Variants in NCKAP5 observed in about 807,000 individuals in gnomAD.
NCKAP5 encodes the protein NCK associated protein 5, also known as nck-associated protein 5.
In NCKAP5, 92 loss-of-function variants were observed where a neutral mutation model predicts 167.0. That is an observed-to-expected ratio of 0.55 (90% confidence interval 0.47 to 0.66). The LOEUF (loss-of-function observed/expected upper bound fraction) is 0.66. Among genes scored for constraint, NCKAP5 ranks in the 30% least tolerant of loss-of-function variants. The pLI is 0.00. For missense variants in NCKAP5, 2,378 were observed against 2,315.0 expected (o/e 1.03, Z -0.56); for synonymous variants, 891 against 877.4 (o/e 1.02, Z -0.27).
intron 5 of NCKAP5, among the ~76,000 whole-genome samples, chr2:133,141,171 A>G (rs947512329): frequency 2.0e-5 from 3 of 152,152 alleles, no homozygotes; most frequent in Non-Finnish European, 4.4e-5. Context: ...TCTCTCTGTC[A>G]TCTTCTTTCC....
intron 3 of NCKAP5, among the ~76,000 whole-genome samples, chr2:133,466,329 G>A (rs1479761679): frequency 9.4e-5 from 14 of 149,492 alleles, no homozygotes; most frequent in Admixed American, 1.3e-4. Context: ...TAGATATGCG[G>A]CATTATTTCT....
intron 3 of NCKAP5, among the ~76,000 whole-genome samples, chr2:133,470,733 G>C (rs1679178858): frequency 6.6e-6 from 1 of 152,224 alleles, no homozygotes; most frequent in East Asian, 1.9e-4. Flanking sequence ...TTTTAAGCCT[G>C]TCGGAAAAGT....
At chr2:133,375,626 T>C (rs1686092337) in intron 3 of NCKAP5, among the ~76,000 whole-genome samples, 1 of 152,182 alleles carries the variant, frequency 6.6e-6, no homozygotes, top group South Asian at 2.1e-4. Flanking sequence ...CCAGTGTGCA[T>C]TGTTCTCATC....
the NCKAP5 span, among the ~76,000 whole-genome samples, chr2:133,658,278 C>G: frequency 6.6e-6 from 1 of 152,072 alleles, no homozygotes; most frequent in South Asian, 2.1e-4. Flanking sequence ...GCAATCCTCA[C>G]CAATTTGAAA....
At chr2:133,131,946 G>T (rs1168449012) in intron 5 of NCKAP5, among the ~76,000 whole-genome samples, 3 of 149,238 alleles carry the variant, frequency 2.0e-5, no homozygotes, top group Non-Finnish European at 4.4e-5. Context: ...GGAAGATAGT[G>T]CTTCGATTCC....
intron 8 of NCKAP5, among the ~76,000 whole-genome samples, chr2:132,894,427 T>A (rs965916497): frequency 6.6e-5 from 10 of 152,236 alleles, no homozygotes; most frequent in African/African-American, 2.4e-4. Flanking sequence ...ACCTATTGCC[T>A]TGCCATGTAA....
At chr2:132,706,999 C>T (rs760549074) in intron 19 of NCKAP5, among the ~76,000 whole-genome samples, 8 of 152,152 alleles carry the variant, frequency 5.3e-5, no homozygotes, top group East Asian at 1.9e-4. Context: ...TTGTCCTCCC[C>T]GCAGGAACAC....
chr2:133,335,819 C>CGAG (rs1683175118), intron 3 of NCKAP5, among the ~76,000 whole-genome samples: 3 of 152,064 alleles, frequency 2.0e-5, no homozygotes, highest in Admixed American at 2.0e-4. Flanking sequence ...ATTTTATTTT[C>CGAG]TAGTTCAGTT....
intron 11 of NCKAP5, among the ~76,000 whole-genome samples, chr2:132,860,135 TA>T (rs1689778439): frequency 6.6e-6 from 1 of 152,240 alleles, no homozygotes; most frequent in South Asian, 2.1e-4. Context: ...GCTTTGGCAC[TA>T]CATAAAATTC....
intron 6 of NCKAP5, chr2:133,122,188 T>G (rs2082271669): frequency 6.6e-6 from 1 of 152,192 alleles, no homozygotes; most frequent in Admixed American, 6.6e-5. Context: ...CAAACTTATC[T>G]AAACTATAAA....
Position 132,725,654 on chromosome 2 carries a change from C to G in NCKAP5, c.5686G>C (p.Val1896Leu), listed in dbSNP as rs1470926298. ...NGFGAGRGQLVKALKSAAPEI... is the reference protein window; with the variant it reads ...NGFGAGRGQLLKALKSAAPEI... ...GGGGCAGCGCTCTTCAGTGCTTTCA[C>G]TAACTGTCCCCTTCCAGCTCCAAAA... Residue 1896 changes from valine to leucine, a missense_variant, in exon 19 of 20, where the codon GTG becomes CTG. By Grantham distance (32) the Val-to-Leu change is conservative. This residue lies in a region of NCKAP5 where 1,325 missense variants were observed against 1,274.5 expected (regional missense o/e 1.04). Transcript: ENST00000409261. 6.2e-7 allele frequency: 1 copy of G among 1,611,908 alleles called. No individual in the cohort carries two copies. The highest frequency in any genetic ancestry group is 1.7e-5 in the Admixed American group (1 of 59,786).
intron 7 of NCKAP5, among the ~76,000 whole-genome samples, chr2:132,983,849 C>A (rs1447149490): frequency 1.3e-5 from 2 of 152,200 alleles, no homozygotes; most frequent in Non-Finnish European, 2.9e-5. Context: ...GATTAGATAG[C>A]CCTTCCCCTC....
At chr2:133,556,216 C>T (rs1436896444) in intron 2 of NCKAP5, among the ~76,000 whole-genome samples, 1 of 152,146 alleles carries the variant, frequency 6.6e-6, no homozygotes, top group African/African-American at 2.4e-5. Flanking sequence ...AAAAATTTAT[C>T]AAGCTTTATA....
intron 3 of NCKAP5, among the ~76,000 whole-genome samples, chr2:133,326,663 T>C (rs1682475417): frequency 6.6e-6 from 1 of 152,062 alleles, no homozygotes; most frequent in African/African-American, 2.4e-5. Flanking sequence ...TAAAGACTCC[T>C]ATCATTCCAT....
At chr2:132,699,995 C>T (rs1341540193) in intron 19 of NCKAP5, among the ~76,000 whole-genome samples, 2 of 152,148 alleles carry the variant, frequency 1.3e-5, no homozygotes, top group East Asian at 1.9e-4. Context: ...GCACCTGTTG[C>T]TTCCTGACTT....
At chr2:133,055,194 A>G (rs1488331426) in intron 6 of NCKAP5, among the ~76,000 whole-genome samples, 1 of 152,140 alleles carries the variant, frequency 6.6e-6, no homozygotes, top group African/African-American at 2.4e-5. Context: ...CCAAGAGTCA[A>G]GGGAGAACTG....
the NCKAP5 span, among the ~76,000 whole-genome samples, chr2:133,659,139 T>C: frequency 1.3e-5 from 2 of 152,158 alleles, no homozygotes; most frequent in African/African-American, 2.4e-5. Flanking sequence ...TACCTAAGGC[T>C]AGTCACTTAA....
At chr2:133,599,763 T>C in the NCKAP5 span, among the ~76,000 whole-genome samples, 2 of 152,128 alleles carry the variant, frequency 1.3e-5, no homozygotes, top group Non-Finnish European at 2.9e-5. Context: ...CTGGGTGAGA[T>C]GCCGGGAGAG....
In NCKAP5 at chr2:132,820,546, TGTTTTTTG is replaced by T. The variant is rs530182626; in HGVS notation, c.808-23825_808-23818del. On this transcript the variant is annotated intron_variant, in intron 11 of 19. Transcript: ENST00000409261. ...CCCAGCCAGTGTTTTTTTTGTTTTT[TGTTTTTTG>T]TTTTTTTTAAATATAGGTAAAGCTG... Among the ~76,000 whole-genome samples, 214 of 152,218 alleles carry T rather than the reference TGTTTTTTG, an allele frequency of 1.4e-3. 1 individual carries two copies. Among genetic ancestry groups the T allele is most frequent in the African/African-American group, 4.9e-3 (203 of 41,546 alleles).
Sources: allele counts gnomAD v4.1 joint callset (sites outside exome capture counted in the v4.1 genomes callset), GRCh38; gene constraint gnomAD v4.1.1; regional missense constraint gnomAD v4.1.1; transcripts MANE v1.5; gene names NCBI Gene and HGNC (gene_info 2026-07-23, HGNC 2026-07-21).